SUGCT: variants seen among roughly 807,000 people sequenced by gnomAD.
The protein encoded by SUGCT is succinyl-CoA:glutarate CoA-transferase.
SUGCT carries 41 observed loss-of-function variants against 55.0 expected under a neutral mutation model. The observed-to-expected ratio is 0.74, with a 90% confidence interval of 0.58 to 0.97. The LOEUF is 0.97. SUGCT is among the 50% of genes least tolerant of loss of function. SUGCT has a pLI of 0.00. For synonymous variants in SUGCT, 187 were observed against 200.4 expected (o/e 0.93, Z 0.56); for missense variants, 568 against 547.8 (o/e 1.04, Z -0.37).
At chr7:40,720,105 G>A (rs1320419441) in intron 12 of SUGCT, among the ~76,000 whole-genome samples, 1 of 152,102 alleles carries the variant, frequency 6.6e-6, no homozygotes, top group Admixed American at 6.6e-5. Flanking sequence ...TGCAATTCTG[G>A]TACAAGTCAT....
intron 12 of SUGCT, among the ~76,000 whole-genome samples, chr7:40,567,462 G>A (rs1194470752): frequency 6.6e-6 from 1 of 151,986 alleles, no homozygotes; most frequent in African/African-American, 2.4e-5. Flanking sequence ...ATTCATTACC[G>A]CTCATTTTGG....
At chr7:40,808,988 T>C (rs1458593031) in intron 13 of SUGCT, among the ~76,000 whole-genome samples, 1 of 152,218 alleles carries the variant, frequency 6.6e-6, no homozygotes, top group Non-Finnish European at 1.5e-5. Context: ...AAACATTTTA[T>C]ACTGTTGGGC....
intron 3 of SUGCT, among the ~76,000 whole-genome samples, chr7:40,187,617 C>T (rs1199568862): frequency 6.6e-6 from 1 of 152,152 alleles, no homozygotes; most frequent in Admixed American, 6.6e-5. Context: ...ACATTATCTC[C>T]ACCTGAGATA....
At chr7:40,773,786 T>C (rs764482334) in intron 13 of SUGCT, among the ~76,000 whole-genome samples, 3 of 152,138 alleles carry the variant, frequency 2.0e-5, no homozygotes, top group Non-Finnish European at 2.9e-5. Flanking sequence ...ATGGAGAAAG[T>C]TGAGGTCAAG....
intron 12 of SUGCT, among the ~76,000 whole-genome samples, chr7:40,649,029 TTTG>T (rs1249452871): frequency 2.6e-5 from 4 of 152,224 alleles, no homozygotes; most frequent in Admixed American, 6.5e-5. Context: ...GCTATTCTTA[TTTG>T]TTATCATTAC....
At chr7:41,005,783 C>A in the SUGCT span, among the ~76,000 whole-genome samples, 1 of 152,152 alleles carries the variant, frequency 6.6e-6, no homozygotes, top group Non-Finnish European at 1.5e-5. Context: ...TCCAAAGATG[C>A]TTCTATGCTG....
intron 7 of SUGCT, among the ~76,000 whole-genome samples, chr7:40,271,551 T>A (rs1792014869): frequency 6.6e-6 from 1 of 152,272 alleles, no homozygotes; most frequent in Admixed American, 6.5e-5. Context: ...TTTAGCTTTT[T>A]AAAAATCGAT....
chr7:40,795,330 G>T lies in SUGCT; in HGVS notation c.1153+45833G>T, dbSNP rs1194934390. Among the ~76,000 whole-genome samples the T allele has an allele frequency of 2.6e-5, 4 of 152,118 alleles. 1 individual carries two copies. In the South Asian group the frequency reaches 8.3e-4, roughly 32 times the overall value. On this transcript the variant is annotated intron_variant, in intron 13 of 13. Coordinates refer to ENST00000335693, the MANE Select transcript of SUGCT (RefSeq NM_001193313.2). ...CTTTATTACCACAATGAAACATTTT[G>T]TAAATAGCTACTTGCAAAACTATTT...
chr7:40,203,058 A>G (rs536852477), intron 6 of SUGCT, among the ~76,000 whole-genome samples: 10 of 152,288 alleles, frequency 6.6e-5, no homozygotes, highest in Admixed American at 5.2e-4. Context: ...CTTAGCTTGT[A>G]TCAAGGTCTC....
chr7:40,463,135 C>T (rs1789899168), intron 11 of SUGCT, among the ~76,000 whole-genome samples: 1 of 152,134 alleles, frequency 6.6e-6, no homozygotes, highest in Non-Finnish European at 1.5e-5. Flanking sequence ...ACATCGCAGG[C>T]ACTTTCCTTT....
intron 9 of SUGCT, among the ~76,000 whole-genome samples, chr7:40,448,857 TACAC>T (rs148261562): frequency 1.3e-5 from 2 of 150,214 alleles, no homozygotes; most frequent in African/African-American, 2.5e-5. Flanking sequence ...ACCAAATACA[TACAC>T]ACACACACAC....
chr7:40,964,099 A>G, the SUGCT span, among the ~76,000 whole-genome samples: 1 of 152,372 alleles, frequency 6.6e-6, no homozygotes, highest in Middle Eastern at 3.4e-3. Flanking sequence ...TAATGAAGAT[A>G]TCAAAATGTC....
the SUGCT span, among the ~76,000 whole-genome samples, chr7:41,002,843 G>T: frequency 6.6e-6 from 1 of 152,056 alleles, no homozygotes; most frequent in African/African-American, 2.4e-5. Flanking sequence ...AAGGGCTGGG[G>T]CCTGTTGCAG....
intron 3 of SUGCT, 130 bp from the exon 4 acceptor site, chr7:40,188,365 T>G: frequency 1.7e-6 from 1 of 604,400 alleles, no homozygotes. Context: ...ACCCAGGAGG[T>G]AGAGGTTGCA....
chr7:40,702,144 A>G (rs1785196230), intron 12 of SUGCT, among the ~76,000 whole-genome samples: 3 of 152,230 alleles, frequency 2.0e-5, no homozygotes, highest in Admixed American at 2.0e-4. Flanking sequence ...TGCCTGAGGC[A>G]GGGTGTTTGA....
chr7:40,525,616 G>A (rs149135722), intron 12 of SUGCT, among the ~76,000 whole-genome samples: 204 of 152,132 alleles, frequency 1.3e-3, no homozygotes, highest in African/African-American at 4.5e-3. Flanking sequence ...TTTACGATCC[G>A]GTGATTTCTT....
intron 9 of SUGCT, among the ~76,000 whole-genome samples, chr7:40,356,956 A>G (rs1337438489): frequency 6.6e-6 from 1 of 152,204 alleles, no homozygotes; most frequent in Non-Finnish European, 1.5e-5. Context: ...AACTCTTTGA[A>G]CAACTGTTTT....
intron 9 of SUGCT, among the ~76,000 whole-genome samples, chr7:40,331,608 T>G (rs1796315440): frequency 8.2e-6 from 1 of 122,076 alleles, no homozygotes. Context: ...TGCTGCTATC[T>G]TTATCTCCCA....
At chr7:40,839,268 G>T (rs532238305) in intron 13 of SUGCT, among the ~76,000 whole-genome samples, 2 of 152,128 alleles carry the variant, frequency 1.3e-5, no homozygotes, top group Non-Finnish European at 2.9e-5. Context: ...TTAGAGACAG[G>T]ATCTTGCTCT....
Sources: allele counts gnomAD v4.1 joint callset (sites outside exome capture counted in the v4.1 genomes callset), GRCh38; gene constraint gnomAD v4.1.1; transcripts MANE v1.5; gene names NCBI Gene and HGNC (gene_info 2026-07-23, HGNC 2026-07-21).